BRWD1: variants seen among roughly 807,000 people sequenced by gnomAD.
BRWD1 encodes bromodomain and WD repeat-containing protein 1.
BRWD1 carries 82 observed loss-of-function variants against 251.2 expected under a neutral mutation model. The ratio of observed to expected loss-of-function variants is 0.33; its 90% CI spans 0.27 to 0.39. The LOEUF is 0.39. Among genes scored for constraint, BRWD1 ranks in the 10% least tolerant of loss-of-function variants. The pLI, the probability that BRWD1 is intolerant of heterozygous loss-of-function variation, is 1.00. For synonymous variants in BRWD1, 918 were observed against 902.8 expected (o/e 1.02, Z -0.30); for missense variants, 2,233 against 2,711.6 (o/e 0.82, Z 3.92).
chr21:39,293,388 G>T (rs1486458060), intron 8 of BRWD1, among the ~76,000 whole-genome samples: 3 of 151,672 alleles, frequency 2.0e-5, no homozygotes, highest in Non-Finnish European at 4.4e-5. Context: ...AGCTACTCGG[G>T]AGGCTGAGGC....
rs2146819603 is a variant in BRWD1, at chr21:39,313,080, G to C, written c.130C>G (p.Gln44Glu). The change falls in exon 3 of 41, where the codon CAG becomes GAG. Residue 44 changes from glutamine (Q) to glutamate (E), a missense_variant. By Grantham distance (29) the Gln-to-Glu change is conservative (BLOSUM62 2). This residue lies in a region of BRWD1 where 101 missense variants were observed against 95.6 expected (regional missense o/e 1.06). Coordinates refer to ENST00000342449, the MANE Select transcript of BRWD1 (RefSeq NM_033656.4). The stretch of plus-strand genomic sequence containing the variant: ...GACGGGCGCGCACAGACCTGGTACT[G>C]CTCCAGCTCCTGCACCAGCACCTGC... ...AAQVLVQELE[Q>E]YQLLPKRLDW... 2.0e-6 allele frequency: 3 copies of C among 1,488,826 alleles called. No individual in the cohort carries two copies. Among genetic ancestry groups the C allele is most frequent in the Middle Eastern group, 4.7e-4 (2 of 4,240 alleles). The allele number at this position is 1,488,826 out of a possible 1,614,324, so 92.2% of individuals were successfully genotyped here.
intron 4 of BRWD1, among the ~76,000 whole-genome samples, chr21:39,310,979 T>C (rs1426148876): frequency 6.6e-6 from 1 of 152,058 alleles, no homozygotes; most frequent in Non-Finnish European, 1.5e-5. Flanking sequence ...CCTGGGGGAC[T>C]GGAGGGCAGA....
chr21:39,264,340 A>G (rs2034850796), intron 17 of BRWD1, 120 bp downstream of exon 17: 1 of 688,220 alleles, frequency 1.5e-6, no homozygotes, highest in South Asian at 2.4e-5. Context: ...AAAAAATAAT[A>G]AAACAAATAT....
rs770703855 is a variant in BRWD1, at chr21:39,258,534, T to C, written c.2024A>G (p.Asp675Gly). 1.2e-6 allele frequency: 2 copies of C among 1,612,736 alleles called. No homozygotes were observed. The highest frequency in any genetic ancestry group is 4.5e-5 in the East Asian group (2 of 44,820). The stretch of plus-strand genomic sequence containing the variant: ...ATTTGAAAGTCCTCTTGGAATAGTA[T>C]CCTGATCTGCTCCCATTCTCTGATC... ...QQDQRMGADQ[D>G]TIPRGLSNGE... Residue 675 changes from aspartate (D) to glycine (G), a missense_variant, in exon 18 of 41, where the codon GAT becomes GGT. Coordinates refer to ENST00000342449, the MANE Select transcript of BRWD1 (RefSeq NM_033656.4).
chr21:39,196,530 TTCC>T lies in BRWD1; in HGVS notation c.6536_6538del (p.Arg2179del). ...AACTACTTTTGCTTTTCCTTTCGTT[TTCC>T]TCCTTTTGGTTTTTGTATTATCAGT... On this transcript the variant is annotated inframe_deletion, in exon 41 of 41. Coordinates refer to ENST00000342449, the MANE Select transcript of BRWD1 (RefSeq NM_033656.4). 1 of 1,613,684 alleles carries T rather than the reference TTCC, an allele frequency of 6.2e-7. No homozygotes were observed. Among genetic ancestry groups the T allele is most frequent in the South Asian group, 1.1e-5 (1 of 91,016 alleles).
rs76797312 is a variant in BRWD1, at chr21:39,231,295, C to T, written c.3000+882G>A. ...GCAAATGTTTTCAAAATTTTGCTACCATAACCAGAAATACCACTTCACACC... is the reference window on the plus strand; with the variant it reads ...GCAAATGTTTTCAAAATTTTGCTACTATAACCAGAAATACCACTTCACACC... On this transcript the variant is annotated intron_variant, in intron 25 of 40. Coordinates refer to ENST00000342449, the MANE Select transcript of BRWD1 (RefSeq NM_033656.4). Among the ~76,000 whole-genome samples the T allele has an allele frequency of 5.2e-3, 786 of 152,216 alleles. 7 individuals carry two copies. The highest frequency in any genetic ancestry group is 0.014 in the Middle Eastern group (4 of 294).
chr21:39,225,656 G>A (rs971339424), intron 27 of BRWD1, among the ~76,000 whole-genome samples: 8 of 151,952 alleles, frequency 5.3e-5, no homozygotes, highest in African/African-American at 1.9e-4. Context: ...TTATCCCCAA[G>A]AAAGAATATA....
At chr21:39,285,854 C>T (rs1414524529) in intron 8 of BRWD1, among the ~76,000 whole-genome samples, 1 of 112,006 alleles carries the variant, frequency 8.9e-6, no homozygotes, top group African/African-American at 3.4e-5. Context: ...GGGGGAGCAT[C>T]ACTTGAGCCC....
chr21:39,303,405 G>A, intron 4 of BRWD1, among the ~76,000 whole-genome samples: 1 of 150,636 alleles, frequency 6.6e-6, no homozygotes, highest in Non-Finnish European at 1.5e-5. Context: ...TGTAATCTCA[G>A]CTACTTGAGA....
At chr21:39,247,896 G>C (rs2034252067) in intron 20 of BRWD1, 64 bp from the exon 21 acceptor site, 1 of 1,440,902 alleles carries the variant, frequency 6.9e-7, no homozygotes. Flanking sequence ...TCAACAAAAT[G>C]GGCATTCCGT....
intron 10 of BRWD1, 63 bp downstream of exon 10, chr21:39,278,680 A>G: frequency 1.6e-6 from 2 of 1,272,222 alleles, no homozygotes; most frequent in Non-Finnish European, 2.2e-6. Context: ...TTAGCAACCA[A>G]GTGGTCATTT....
At chr21:39,316,785 A>T (rs12329767), upstream of BRWD1, among the ~76,000 whole-genome samples, 14,334 of 152,222 alleles carry the variant, frequency 0.094, 794 homozygotes, top group East Asian at 0.14. Flanking sequence ...CAAGAAATAA[A>T]AAATAGCCAG....
At chr21:39,310,991 AG>A (rs1342250891) in intron 4 of BRWD1, among the ~76,000 whole-genome samples, 2 of 152,032 alleles carry the variant, frequency 1.3e-5, no homozygotes, top group East Asian at 3.9e-4. Flanking sequence ...GAGGGCAGAG[AG>A]GAAGGTAAAA....
intron 13 of BRWD1, among the ~76,000 whole-genome samples, chr21:39,273,555 C>T (rs2035184902): frequency 6.6e-6 from 1 of 152,060 alleles, no homozygotes; most frequent in Admixed American, 6.6e-5. Context: ...TGAGCCTGAA[C>T]AAAAGTCTTT....
intron 29 of BRWD1, among the ~76,000 whole-genome samples, chr21:39,223,707 C>T (rs150106127): frequency 2.3e-4 from 35 of 152,172 alleles, no homozygotes; most frequent in Non-Finnish European, 5.0e-4. Flanking sequence ...TTGTCTATTT[C>T]AGTAGAAAAT....
At chr21:39,214,543 GGATTA>G (rs1420333113) in intron 32 of BRWD1, among the ~76,000 whole-genome samples, 4 of 152,072 alleles carry the variant, frequency 2.6e-5, no homozygotes, top group Non-Finnish European at 5.9e-5. Flanking sequence ...TGGGGATTCT[GGATTA>G]GATTCTGAAA....
downstream of BRWD1, chr21:39,185,444 GCATTT>G: frequency 1.3e-5 from 2 of 151,860 alleles, no homozygotes; most frequent in South Asian, 2.1e-4. Context: ...AGAAGTTTAA[GCATTT>G]CATTAGAGCT....
rs1195468822 is a variant in BRWD1 at position 39,188,127 on chromosome 21, C to G, written c.*8132G>C. The G allele has an allele frequency of 1.0e-6, 1 of 985,248 alleles. No homozygotes were observed. Among genetic ancestry groups the G allele is most frequent in the Non-Finnish European group, 1.2e-6 (1 of 829,916 alleles). 61.0% of individuals were successfully genotyped at this position (985,248 alleles called of 1,614,324 possible). A position where few individuals can be genotyped will look rare whatever the true frequency, so the allele number is the denominator to read the frequency against. On this transcript the variant is annotated 3_prime_UTR_variant, in exon 41 of 41. Coordinates refer to ENST00000342449, the MANE Select transcript of BRWD1 (RefSeq NM_033656.4). ...TATGTTTGTTACCAGTGTCTCAAAGCCAAATTTTCAAATTTCACAAACAAG... is the reference window on the plus strand; with the variant it reads ...TATGTTTGTTACCAGTGTCTCAAAGGCAAATTTTCAAATTTCACAAACAAG...
At chr21:39,214,103 GTA>G (rs1482714350) in intron 32 of BRWD1, among the ~76,000 whole-genome samples, 1 of 151,994 alleles carries the variant, frequency 6.6e-6, no homozygotes. Flanking sequence ...GGTAACTTAC[GTA>G]TGAGTCTCCA....
Sources: allele counts gnomAD v4.1 joint callset (sites outside exome capture counted in the v4.1 genomes callset), GRCh38; gene constraint gnomAD v4.1.1; regional missense constraint gnomAD v4.1.1; transcripts MANE v1.5; gene names NCBI Gene and HGNC (gene_info 2026-07-23, HGNC 2026-07-21).